Variants in EYA4 observed in about 807,000 individuals in gnomAD.
The protein encoded by EYA4 is EYA transcriptional coactivator and phosphatase 4, also known as protein phosphatase EYA4.
EYA4 carries 31 observed loss-of-function variants against 87.9 expected under a neutral mutation model. The observed-to-expected ratio is 0.35, with a 90% CI of 0.27 to 0.48. The LOEUF is 0.48. EYA4 is among the 20% of genes least tolerant of loss of function. The probability of loss-of-function intolerance (pLI) is 0.99; values close to 1 mark genes in which losing one functional copy is unlikely to be tolerated. For missense variants in EYA4, 678 were observed against 761.4 expected (o/e 0.89, Z 1.29); for synonymous variants, 263 against 270.6 (o/e 0.97, Z 0.28).
chr6:133,266,832 T>G (rs1776262358), intron 1 of EYA4, among the ~76,000 whole-genome samples: 2 of 152,202 alleles, frequency 1.3e-5, no homozygotes, highest in African/African-American at 2.4e-5. Context: ...GAAAGAATTT[T>G]AAAACTTAAA....
At chr6:133,323,760 A>G (rs767496967) in intron 2 of EYA4, among the ~76,000 whole-genome samples, 6 of 152,174 alleles carry the variant, frequency 3.9e-5, no homozygotes, top group Non-Finnish European at 7.4e-5. Flanking sequence ...TTGATATACT[A>G]CTGTGGTCAA....
intron 13 of EYA4, among the ~76,000 whole-genome samples, chr6:133,505,894 G>A (rs976620277): frequency 5.3e-5 from 8 of 152,018 alleles, no homozygotes; most frequent in Middle Eastern, 6.3e-3. Context: ...TCATCGTTAC[G>A]TATGTCTGAA....
At chr6:133,270,601 C>T (rs2095604) in intron 1 of EYA4, among the ~76,000 whole-genome samples, 7,079 of 152,186 alleles carry the variant, frequency 0.047, 578 homozygotes, top group African/African-American at 0.16. Flanking sequence ...TTCTGTATTC[C>T]CTTTGCCTTC....
intron 9 of EYA4, 146 bp from the exon 10 acceptor site, chr6:133,464,633 A>G (rs1331775820): frequency 9.1e-6 from 6 of 660,274 alleles, no homozygotes; most frequent in African/African-American, 1.8e-5. Flanking sequence ...AGCTAAGCCT[A>G]TTTTCTGTAT....
At chr6:133,273,895 TTGTGTGTGTGTGGG>T (rs1258678373) in intron 1 of EYA4, among the ~76,000 whole-genome samples, 2 of 151,620 alleles carry the variant, frequency 1.3e-5, no homozygotes, top group Non-Finnish European at 2.9e-5. Flanking sequence ...TTAATTTTCA[TTGTGTGTGTGTGGG>T]TGTGTGTGTG....
Position 133,481,328 on chromosome 6 carries a change from T to C in EYA4, c.971-135T>C, listed in dbSNP as rs1183375810. ...AAAGTTCTGACTGACTTGTGTGTGC[T>C]TGGGATTATAAATCTCTTTTTTGCC... On this transcript the variant is annotated intron_variant, in intron 11 of 19. Transcript: ENST00000355286. The C allele has an allele frequency of 3.6e-6, 3 of 830,012 alleles. No individual in the cohort carries two copies. The Admixed American group carries it at 5.8e-5, about 16-fold the overall frequency. The allele number at this position is 830,012 out of a possible 1,614,324, so 51.4% of individuals were successfully genotyped here.
At chr6:133,483,817 G>A (rs770168398) in intron 13 of EYA4, among the ~76,000 whole-genome samples, 12 of 151,520 alleles carry the variant, frequency 7.9e-5, no homozygotes, top group South Asian at 2.1e-4. Flanking sequence ...TCTGCTTCCC[G>A]TGCTCAAATG....
intron 1 of EYA4, among the ~76,000 whole-genome samples, chr6:133,250,234 G>C (rs1287508948): frequency 1.3e-5 from 2 of 152,322 alleles, no homozygotes; most frequent in South Asian, 2.1e-4. Context: ...TTACCACTGG[G>C]AAGTCAGTGA....
chr6:133,382,307 G>C, intron 2 of EYA4, 85 bp from the exon 3 acceptor site: 1 of 931,312 alleles, frequency 1.1e-6, no homozygotes, highest in African/African-American at 1.6e-5. Flanking sequence ...TTGGTGAACA[G>C]AGCTATATCC....
At chr6:133,249,969 C>T (rs1248494573) in intron 1 of EYA4, among the ~76,000 whole-genome samples, 1 of 152,162 alleles carries the variant, frequency 6.6e-6, no homozygotes, top group African/African-American at 2.4e-5. Flanking sequence ...CACTGCTGGA[C>T]ATATAGTCAG....
chr6:133,370,024 G>T (rs1207862986), intron 2 of EYA4, among the ~76,000 whole-genome samples: 1 of 152,186 alleles, frequency 6.6e-6, no homozygotes, highest in East Asian at 1.9e-4. Context: ...TACTATCCAG[G>T]TCTCCTCCTA....
intron 2 of EYA4, among the ~76,000 whole-genome samples, chr6:133,377,564 GTTTT>G (rs145391738): frequency 0.047 from 5,513 of 116,304 alleles, 337 homozygotes; most frequent in African/African-American, 0.15. Context: ...TTTCACATTA[GTTTT>G]TTTTTTTTTT....
chr6:133,475,043 T>G (rs1263799674), intron 11 of EYA4, among the ~76,000 whole-genome samples: 1 of 152,122 alleles, frequency 6.6e-6, no homozygotes, highest in Non-Finnish European at 1.5e-5. Flanking sequence ...TAAAGGATAA[T>G]TATTCAATCA....
intron 5 of EYA4, among the ~76,000 whole-genome samples, chr6:133,452,004 A>T (rs1424848629): frequency 6.6e-6 from 1 of 152,132 alleles, no homozygotes; most frequent in Non-Finnish European, 1.5e-5. Context: ...ATTATTTTAC[A>T]AAATTAAATA....
chr6:133,288,715 G>C (rs1778260807), intron 2 of EYA4, among the ~76,000 whole-genome samples: 1 of 152,118 alleles, frequency 6.6e-6, no homozygotes, highest in African/African-American at 2.4e-5. Flanking sequence ...TAGGAGACCA[G>C]CATGTTTATG....
intron 3 of EYA4, among the ~76,000 whole-genome samples, chr6:133,414,675 T>C (rs755588223): frequency 2.6e-5 from 4 of 152,198 alleles, no homozygotes; most frequent in Admixed American, 6.5e-5. Context: ...GGAGCAATCA[T>C]AGGGCTCACC....
intron 1 of EYA4, among the ~76,000 whole-genome samples, chr6:133,249,272 G>A (rs2128227501): frequency 6.6e-6 from 1 of 152,172 alleles, no homozygotes; most frequent in South Asian, 2.1e-4. Context: ...TTAGCTTTAG[G>A]TGGACAATTG....
chr6:133,309,360 A>G (rs1193411161), intron 2 of EYA4, among the ~76,000 whole-genome samples: 1 of 152,206 alleles, frequency 6.6e-6, no homozygotes, highest in Non-Finnish European at 1.5e-5. Context: ...GATAATGGTT[A>G]TATGGTGATC....
At chr6:133,444,154 A>G (rs1251255053) in intron 3 of EYA4, among the ~76,000 whole-genome samples, 1 of 152,208 alleles carries the variant, frequency 6.6e-6, no homozygotes, top group African/African-American at 2.4e-5. Context: ...AACTATGATC[A>G]TAGACTTATC....
Sources: allele counts gnomAD v4.1 joint callset (sites outside exome capture counted in the v4.1 genomes callset), GRCh38; gene constraint gnomAD v4.1.1; transcripts MANE v1.5; gene names NCBI Gene and HGNC (gene_info 2026-07-23, HGNC 2026-07-21).